Variants in ALG12 observed in about 807,000 individuals in gnomAD.
ALG12 encodes the protein ALG12 alpha-1,6-mannosyltransferase.
Under a neutral mutation model 46.0 loss-of-function variants are expected in ALG12, and 36 were observed. The observed-to-expected ratio is 0.78, with a 90% confidence interval of 0.60 to 1.03. The LOEUF (loss-of-function observed/expected upper bound fraction) is 1.03. ALG12 is among the 50% of genes least tolerant of loss of function. The pLI, the probability that ALG12 is intolerant of heterozygous loss-of-function variation, is 0.00. For synonymous variants in ALG12, 326 were observed against 291.6 expected (o/e 1.12, Z -1.20); for missense variants, 599 against 633.5 (o/e 0.95, Z 0.58).
the ALG12 span, chr22:49,890,047 TAAAA>T: frequency 6.0e-6 from 1 of 166,682 alleles, no homozygotes; most frequent in Non-Finnish European, 1.5e-5. Flanking sequence ...TAAAAGATGA[TAAAA>T]AAATAAAAAC....
chr22:49,879,147 A>C, the ALG12 span, among the ~76,000 whole-genome samples: 8 of 150,606 alleles, frequency 5.3e-5, no homozygotes, highest in Admixed American at 1.3e-4. Flanking sequence ...CCATCTCAAA[A>C]AAAAAACAAA....
intron 7 of ALG12, among the ~76,000 whole-genome samples, chr22:49,907,238 C>G (rs1338318577): frequency 6.6e-6 from 1 of 152,202 alleles, no homozygotes; most frequent in African/African-American, 2.4e-5. Context: ...CCAGGCCTGG[C>G]TGCCCCTGCC....
chr22:49,867,612 A>T, the ALG12 span, among the ~76,000 whole-genome samples: 2 of 151,998 alleles, frequency 1.3e-5, no homozygotes, highest in Non-Finnish European at 2.9e-5. Context: ...AAAGTCACCC[A>T]CCTCAGCAGC....
At chr22:49,883,766 A>G in the ALG12 span, 5 of 1,613,156 alleles carry the variant, frequency 3.1e-6, no homozygotes, top group Non-Finnish European at 4.2e-6. Context: ...ATTCCTCCTG[A>G]TAGTTTGGAA....
Position 49,909,993 on chromosome 22 carries a change from G to C in ALG12, c.565C>G (p.Leu189Val). 6.2e-7 allele frequency: 1 copy of C among 1,613,978 alleles called. No homozygotes were observed. The highest frequency in any genetic ancestry group is 8.5e-7 in the Non-Finnish European group (1 of 1,179,976). The change falls in exon 5 of 10, where the codon CTG (leucine) becomes GTG (valine). Residue 189 changes from leucine to valine, a missense_variant. Leu to Val is a conservative substitution (Grantham distance 32, BLOSUM62 1). Coordinates refer to ENST00000330817, the MANE Select transcript of ALG12 (RefSeq NM_024105.4). ...AIIVFRVELC[L>V]FLGLLLLLAL... ...AGCAGCAGCAGGAGGCCCAGGAACA[G>C]GCACAGCTCCACCCTGAACACGATG...
chr22:49,864,839 A>AAAAAAAAAAAAAAAG, the ALG12 span, among the ~76,000 whole-genome samples: 2 of 133,112 alleles, frequency 1.5e-5, 1 homozygote, highest in African/African-American at 7.3e-5. Context: ...AAAAAAAAAA[A>AAAAAAAAAAAAAAAG]GCCCTGATTA....
At chr22:49,889,862 G>C in the ALG12 span, 2 of 167,064 alleles carry the variant, frequency 1.2e-5, no homozygotes, top group Non-Finnish European at 1.5e-5. Flanking sequence ...AACCCCAGCT[G>C]CGAGCTGTTT....
At chr22:49,876,427 T>C in the ALG12 span, among the ~76,000 whole-genome samples, 1 of 152,228 alleles carries the variant, frequency 6.6e-6, no homozygotes, top group East Asian at 1.9e-4. Flanking sequence ...TCTCTCAGCT[T>C]TGCTTCGTGG....
the ALG12 span, among the ~76,000 whole-genome samples, chr22:49,875,059 G>A: frequency 2.0e-5 from 3 of 152,074 alleles, no homozygotes; most frequent in Non-Finnish European, 4.4e-5. Context: ...GATACATAGT[G>A]TTTAATTTAA....
downstream of ALG12, among the ~76,000 whole-genome samples, chr22:49,896,309 T>C (rs1569169359): frequency 6.6e-6 from 1 of 152,190 alleles, no homozygotes; most frequent in Non-Finnish European, 1.5e-5. Context: ...CTTCAGGAAA[T>C]AAAGGTTTTT....
At chr22:49,898,188 G>A (rs899067910), downstream of ALG12, among the ~76,000 whole-genome samples, 7 of 151,384 alleles carry the variant, frequency 4.6e-5, no homozygotes, top group Admixed American at 4.6e-4. Flanking sequence ...GTTGTTTTTT[G>A]TAGGGACGGA....
chr22:49,891,343 G>A, the ALG12 span, among the ~76,000 whole-genome samples: 9 of 152,220 alleles, frequency 5.9e-5, no homozygotes, highest in Non-Finnish European at 7.3e-5. Context: ...GGCACCCATC[G>A]AGTGGAAAGC....
At position 49,909,895 on chromosome 22, in the gene ALG12, TA is replaced by T; in HGVS notation, c.662del (p.Leu221Ter). On this transcript the variant is annotated frameshift_variant and splice_region_variant, in exon 5 of 10. Coordinates refer to ENST00000330817, the MANE Select transcript of ALG12 (RefSeq NM_024105.4). LOFTEE classifies it high-confidence loss of function. ...RHAVPAGILC[L>X]GLTVAVDSYF... ...AGCATCCCACAGTGACTGACTTACC[TA>T]AACAGAGGATCCCTGCCGGGACGGC... 6.2e-7 allele frequency: 1 copy of T among 1,614,120 alleles called. No homozygotes were observed.
chr22:49,884,468 A>G, the ALG12 span: 6 of 1,614,214 alleles, frequency 3.7e-6, no homozygotes, highest in Non-Finnish European at 4.2e-6. Flanking sequence ...CCTGCAGAGA[A>G]CTTAGCGGAG....
rs1379333730 is a variant in ALG12, at chr22:49,907,915, T to C, written c.798A>G (p.Ser266=). 1.2e-6 allele frequency: 2 copies of C among 1,613,226 alleles called. No individual in the cohort carries two copies. The highest frequency in any genetic ancestry group is 1.7e-6 in the Non-Finnish European group (2 of 1,179,932). The change falls in exon 7 of 10, where the codon TCA becomes TCG. Residue 266 remains serine (S), a synonymous_variant. Transcript: ENST00000330817. ...TGCAGCCCAGGCCGCGGGGCAGGGC[T>C]GAGTAGAAGTACCACAGCAGCGGGG... ...GTSPLLWYFY[S]ALPRGLGCSL... is the part of the protein sequence containing the mutation.
the ALG12 span, among the ~76,000 whole-genome samples, chr22:49,868,644 CA>C: frequency 6.6e-6 from 1 of 152,012 alleles, no homozygotes; most frequent in East Asian, 1.9e-4. Context: ...TATAAACCTC[CA>C]AGTAAAAAGA....
Position 49,908,005 on chromosome 22 carries a change from C to G in ALG12, c.769-61G>C, listed in dbSNP as rs1003169335. On this transcript the variant is annotated intron_variant, in intron 6 of 9. Coordinates refer to ENST00000330817, the MANE Select transcript of ALG12 (RefSeq NM_024105.4). ...ACGCATGAGCCCGTGGGCTAGGTGG[C>G]AGGGTCAAGGTGGAGAAGACGCTTG... is the stretch of plus-strand genomic sequence containing the variant. 5 of 1,556,126 alleles carry G rather than the reference C, an allele frequency of 3.2e-6. No individual in the cohort carries two copies. The African/African-American group carries it at 4.1e-5, about 13-fold the overall frequency.
chr22:49,874,448 C>T, the ALG12 span, among the ~76,000 whole-genome samples: 1 of 150,184 alleles, frequency 6.7e-6, no homozygotes, highest in Non-Finnish European at 1.5e-5. Flanking sequence ...TGCAGTGGTG[C>T]GATCTCGGCT....
In ALG12 at chr22:49,904,347, G is replaced by C. The variant is rs375721419; in HGVS notation, c.1152C>G (p.Pro384=). Residue 384 remains proline (P), a synonymous_variant, in exon 8 of 10, where the codon CCC becomes CCG. Coordinates refer to ENST00000330817, the MANE Select transcript of ALG12 (RefSeq NM_024105.4). The part of the protein sequence containing the change: ...VAMQRLHQLV[P]PQTDVLLHID... ...GCCCCCAGCACCCACCTGTCTGGGGGGGCACCAGCTGGTGCAGCCTCTGCA... is the reference window on the plus strand; with the variant it reads ...GCCCCCAGCACCCACCTGTCTGGGGCGGCACCAGCTGGTGCAGCCTCTGCA... 449 of 1,614,072 alleles carry C rather than the reference G, an allele frequency of 2.8e-4. No individual in the cohort carries two copies. The highest frequency in any genetic ancestry group is 3.5e-4 in the Non-Finnish European group (413 of 1,180,050).
Sources: allele counts gnomAD v4.1 joint callset (sites outside exome capture counted in the v4.1 genomes callset), GRCh38; gene constraint gnomAD v4.1.1; transcripts MANE v1.5; gene names NCBI Gene and HGNC (gene_info 2026-07-23, HGNC 2026-07-21).